Variants in CUZD1 observed in about 807,000 individuals in gnomAD.
CUZD1 encodes CUB and zona pellucida-like domain-containing protein 1.
Under a neutral mutation model 53.1 loss-of-function variants are expected in CUZD1, and 42 were observed. That is an observed-to-expected ratio of 0.79 (90% confidence interval 0.62 to 1.02). The LOEUF is 1.02. Among genes scored for constraint, CUZD1 ranks in the 50% least tolerant of loss-of-function variants. The pLI is 0.00. For missense variants in CUZD1, 670 were observed against 715.7 expected (o/e 0.94, Z 0.73); for synonymous variants, 238 against 257.2 (o/e 0.93, Z 0.71).
Position 122,836,886 on chromosome 10 carries a change from A to G in CUZD1, c.762T>C (p.Ser254=), listed in dbSNP as rs890450802. The change falls in exon 5 of 9, where the codon TCT becomes TCC. Residue 254 remains serine (S), a synonymous_variant. Transcript: ENST00000392790. ...TGTAGGAAGCAGAAAATCCCCGGTA[A>G]GAATTGGCATAATCTGTAGACAACA... is the stretch of plus-strand genomic sequence containing the variant. ...TVVLSTDYAN[S]YRGFSASYTS... The G allele has an allele frequency of 6.2e-7, 1 of 1,614,144 alleles. No homozygotes were observed. Among genetic ancestry groups the G allele is most frequent in the South Asian group, 1.1e-5 (1 of 91,078 alleles).
In CUZD1 at chr10:122,836,913, G is replaced by A. The variant is rs138928505; in HGVS notation, c.735C>T (p.Val245=). The A allele has an allele frequency of 7.4e-6, 12 of 1,614,064 alleles. No homozygotes were observed. Among genetic ancestry groups the A allele is most frequent in the South Asian group, 3.3e-5 (3 of 91,068 alleles). ...TFESSSNSLT[V]VLSTDYANSY... is the part of the protein sequence containing the mutation. ...AATTGGCATAATCTGTAGACAACAC[G>A]ACAGTCAGAGAGTTTGATGACGATT... is the stretch of plus-strand genomic sequence containing the variant. The change falls in exon 5 of 9, where the codon GTC becomes GTT. Residue 245 remains valine, a synonymous_variant. Coordinates refer to ENST00000392790, the MANE Select transcript of CUZD1 (RefSeq NM_022034.6).
At chr10:122,832,687 T>C (rs1214384018) in intron 8 of CUZD1, among the ~76,000 whole-genome samples, 1 of 152,166 alleles carries the variant, frequency 6.6e-6, no homozygotes, top group African/African-American at 2.4e-5. Flanking sequence ...CGGTATCACA[T>C]GAAAAACGTG....
At chr10:122,838,003 T>G in intron 3 of CUZD1, 2 of 154,682 alleles carry the variant, frequency 1.3e-5, no homozygotes, top group South Asian at 2.0e-4. Flanking sequence ...CTTCCCTGAC[T>G]CCCACCTCCA....
At chr10:122,832,564 T>A in intron 8 of CUZD1, 114 bp from the exon 9 acceptor site, 1 of 717,896 alleles carries the variant, frequency 1.4e-6, no homozygotes, top group Non-Finnish European at 2.2e-6. Context: ...TGAATTAATG[T>A]ATAATGCATA....
At position 122,836,290 on chromosome 10, in the gene CUZD1, G is replaced by T. The variant is rs192139645; in HGVS notation, c.878C>A (p.Ala293Asp). The T allele has an allele frequency of 1.6e-5, 25 of 1,609,282 alleles. No individual in the cohort carries two copies. In the East Asian group the frequency reaches 5.2e-4, roughly 33 times the overall value. ...RVIISKSYLE[A>D]FNSNGNNLQL... ...CAAGTTATTCCCATTAGAGTTAAAA[G>T]CCTCTAGGTAGGATTTGCTTATAAT... Residue 293 changes from alanine (A) to aspartate (D), a missense_variant, in exon 6 of 9, where the codon GCT becomes GAT. Ala to Asp is a moderately radical substitution (Grantham distance 126, BLOSUM62 -2). Coordinates refer to ENST00000392790, the MANE Select transcript of CUZD1 (RefSeq NM_022034.6).
chr10:122,841,087 A>G, intron 2 of CUZD1, 91 bp downstream of exon 2: 1 of 1,204,044 alleles, frequency 8.3e-7, no homozygotes, highest in Non-Finnish European at 1.2e-6. Flanking sequence ...CTCTAGCAGC[A>G]GCTGAATTCT....
rs755398145 is a variant in CUZD1 at position 122,833,836 on chromosome 10, A to G, written c.1487T>C (p.Leu496Pro). Reference protein sequence around the residue: ...KFLRSMSSVYLQCKVLICDSS... With the variant: ...KFLRSMSSVYPQCKVLICDSS... ...ATCACATATCAAAACTTTACACTGC[A>G]GATACACAGAGCTCATACTTCTCAA... The change falls in exon 8 of 9, where the codon CTG (leucine) becomes CCG (proline). Residue 496 changes from leucine (L) to proline (P), a missense_variant. By Grantham distance (98) the Leu-to-Pro change is moderately conservative (BLOSUM62 -3). Transcript: ENST00000392790. 6.2e-7 allele frequency: 1 copy of G among 1,614,116 alleles called. No individual in the cohort carries two copies.
At position 122,835,001 on chromosome 10, in the gene CUZD1, C is replaced by T. The variant is rs1282411668; in HGVS notation, c.1087G>A (p.Val363Met). 1.9e-6 allele frequency: 3 copies of T among 1,613,620 alleles called. No individual in the cohort carries two copies. The highest frequency in any genetic ancestry group is 1.3e-5 in the African/African-American group (1 of 75,014). ...GAATTATGTCCCATTTCACACTTCACAATAATCTGGAGTTGTTTCTGACGG... is the reference window on the plus strand; with the variant it reads ...GAATTATGTCCCATTTCACACTTCATAATAATCTGGAGTTGTTTCTGACGG... ...ITRQKQLQII[V>M]KCEMGHNSTV... Residue 363 changes from valine (V) to methionine (M), a missense_variant, in exon 7 of 9, where the codon GTG becomes ATG. By Grantham distance (21) the Val-to-Met change is conservative. Transcript: ENST00000392790.
chr10:122,836,781 T>A (rs1435040912), intron 5 of CUZD1, 50 bp downstream of exon 5: 1 of 1,425,858 alleles, frequency 7.0e-7, no homozygotes, highest in African/African-American at 1.4e-5. Flanking sequence ...TTTCTACATA[T>A]GCAATCTTCG....
chr10:122,841,115 C>A, intron 2 of CUZD1, 63 bp downstream of exon 2: 1 of 1,489,400 alleles, frequency 6.7e-7, no homozygotes, highest in South Asian at 1.3e-5. Flanking sequence ...GAGAGTCCCC[C>A]TACCCACCCC....
At chr10:122,844,429 T>C (rs1847400485) in intron 1 of CUZD1, among the ~76,000 whole-genome samples, 1 of 152,132 alleles carries the variant, frequency 6.6e-6, no homozygotes, top group Non-Finnish European at 1.5e-5. Context: ...AAACACTAAA[T>C]TGTATACTTT....
At chr10:122,833,608 G>A (rs1383848815) in intron 8 of CUZD1, 64 bp downstream of exon 8, 2 of 1,528,010 alleles carry the variant, frequency 1.3e-6, no homozygotes, top group African/African-American at 2.8e-5. Flanking sequence ...AAGAGTTACT[G>A]GATTTGAGCA....
intron 1 of CUZD1, among the ~76,000 whole-genome samples, chr10:122,844,294 C>G (rs532016238): frequency 6.6e-6 from 1 of 152,050 alleles, no homozygotes; most frequent in African/African-American, 2.4e-5. Context: ...TGTCAGCCCC[C>G]CAAAGTGCTG....
intron 4 of CUZD1, 101 bp downstream of exon 4, chr10:122,837,303 A>G (rs1847268953): frequency 8.2e-7 from 1 of 1,221,964 alleles, no homozygotes; most frequent in South Asian, 1.3e-5. Flanking sequence ...AAAAGTGCCC[A>G]TATATGAGAA....
rs754305605 is a variant in CUZD1 at position 122,837,485 on chromosome 10, G to A, written c.518C>T (p.Pro173Leu). The change falls in exon 4 of 9, where the codon CCG (proline) becomes CTG (leucine). Residue 173 changes from proline (P) to leucine (L), a missense_variant. Physicochemically the swap from Pro to Leu is moderately conservative, Grantham distance 98. Coordinates refer to ENST00000392790, the MANE Select transcript of CUZD1 (RefSeq NM_022034.6). ...CACACAATAAGCCAGCTCAGGATGCGGCTTTGGGTAATTGGGGCTGGTGAA... is the reference window on the plus strand; with the variant it reads ...CACACAATAAGCCAGCTCAGGATGCAGCTTTGGGTAATTGGGGCTGGTGAA... ...GSFTSPNYPK[P>L]HPELAYCVWH... The A allele has an allele frequency of 1.1e-5, 18 of 1,611,700 alleles. No homozygotes were observed. Among genetic ancestry groups the A allele is most frequent in the South Asian group, 2.2e-5 (2 of 90,374 alleles).
At chr10:122,843,826 T>C (rs1847385466) in intron 1 of CUZD1, among the ~76,000 whole-genome samples, 2 of 147,224 alleles carry the variant, frequency 1.4e-5, no homozygotes, top group African/African-American at 5.0e-5. Context: ...TATATATATA[T>C]ATATATGTCC....
rs376630339 is a variant in CUZD1, at chr10:122,836,617, A to G, written c.817+214T>C. ...AAGGGAAACAGTCCATATTATCTGC[A>G]TAAATCTTTTTCAGGTTAATAAAAT... On this transcript the variant is annotated intron_variant, in intron 5 of 8. Transcript: ENST00000392790. Among the ~76,000 whole-genome samples, 52 of 152,216 alleles carry G rather than the reference A, an allele frequency of 3.4e-4. 1 individual carries two copies. Among genetic ancestry groups the G allele is most frequent in the South Asian group, 1.0e-3 (5 of 4,832 alleles).
chr10:122,833,442 C>T (rs1196355070), intron 8 of CUZD1, among the ~76,000 whole-genome samples: 1 of 152,078 alleles, frequency 6.6e-6, no homozygotes, highest in African/African-American at 2.4e-5. Flanking sequence ...TACTCAAAAT[C>T]CAAATGAATA....
chr10:122,836,525 T>C (rs1453645967), intron 5 of CUZD1, among the ~76,000 whole-genome samples, 175 bp from the exon 6 acceptor site: 1 of 152,248 alleles, frequency 6.6e-6, no homozygotes, highest in Non-Finnish European at 1.5e-5. Flanking sequence ...CTGTGTTCAT[T>C]GTGACCTTGT....
Sources: gnomAD v4.1 joint callset for allele counts (sites outside exome capture counted in the v4.1 genomes callset) on GRCh38, gnomAD v4.1.1 for gene constraint, MANE v1.5 for transcripts, NCBI Gene and HGNC (gene_info 2026-07-23, HGNC 2026-07-21) for gene names.